The following ABCA2 variants were observed in gnomAD, a reference collection of about 807,000 sequenced individuals.
The protein encoded by ABCA2 is ATP-binding cassette sub-family A member 2.
Under a neutral mutation model 262.8 loss-of-function variants are expected in ABCA2, and 84 were observed. The observed-to-expected ratio is 0.32, with a 90% CI of 0.27 to 0.38. The LOEUF (loss-of-function observed/expected upper bound fraction) is 0.38, where lower values mean the gene tolerates loss of function less well. ABCA2 is among the 10% of genes least tolerant of loss of function. ABCA2 has a pLI of 1.00. For synonymous variants in ABCA2, 1,696 were observed against 1,502.9 expected, an observed-to-expected ratio of 1.13 and a Z score of -2.97; for missense variants, 2,662 against 3,405.9, an observed-to-expected ratio of 0.78 and a Z score of 5.44.
intron 48 of ABCA2, 83 bp downstream of exon 48, chr9:137,008,333 C>T: frequency 1.3e-6 from 2 of 1,481,890 alleles, no homozygotes; most frequent in Non-Finnish European, 1.8e-6. Flanking sequence ...AGTTCTCCCC[C>T]GACCCCACCC....
At position 137,017,219 on chromosome 9, in the gene ABCA2, T is replaced by C. The variant is rs199598064; in HGVS notation, c.2530A>G (p.Thr844Ala). 1.9e-6 allele frequency: 3 copies of C among 1,612,486 alleles called. No homozygotes were observed. In the East Asian group the frequency reaches 6.7e-5, roughly 36 times the overall value. Reference protein sequence around the residue: ...IREEVAHDKITAFEKCIASLM... With the variant: ...IREEVAHDKIAAFEKCIASLM... ...ACCGCGATGCACTTCTCGAAGGCCG[T>C]GATCTTATCATGCGCCACCTCCTCT... Residue 844 changes from threonine (T) to alanine (A), a missense_variant, in exon 18 of 49, where the codon ACG (threonine) becomes GCG (alanine). By Grantham distance (58) the Thr-to-Ala change is moderately conservative. Coordinates refer to ENST00000341511, the MANE Select transcript of ABCA2 (RefSeq NM_001606.5).
chr9:137,017,558 G>A lies in ABCA2; in HGVS notation c.2346C>T (p.His782=), dbSNP rs572400385. ...CCAGGAAGAGCCAGATGATGACCAC[G>A]TGGCTGTGCATAAGCACCTGGCCGT... The part of the protein sequence containing the change: ...LKYGQVLMHS[H]VVIIWLFLAV... The change falls in exon 17 of 49, where the codon CAC becomes CAT. Residue 782 remains histidine, a synonymous_variant. Coordinates refer to ENST00000341511, the MANE Select transcript of ABCA2 (RefSeq NM_001606.5). The A allele has an allele frequency of 5.0e-5, 80 of 1,612,420 alleles. No homozygotes were observed. Among genetic ancestry groups the A allele is most frequent in the East Asian group, 8.9e-5 (4 of 44,878 alleles).
rs574405405 is a variant in ABCA2 at position 137,022,462 on chromosome 9, C to G, written c.456G>C (p.Leu152=). Residue 152 remains leucine, a synonymous_variant, in exon 6 of 49, where the codon CTG becomes CTC. Coordinates refer to ENST00000341511, the MANE Select transcript of ABCA2 (RefSeq NM_001606.5). ...LDRSTVSSFS[L]DSVARNPQEL... ...CCTGCGGGTTTCTGGCCACCGAGTC[C>G]AGAGAGAAGGAAGACACTGGACAGG... 2 of 1,611,818 alleles carry G rather than the reference C, an allele frequency of 1.2e-6. No individual in the cohort carries two copies. Among genetic ancestry groups the G allele is most frequent in the African/African-American group, 1.3e-5 (1 of 74,992 alleles).
chr9:137,020,596 G>C, intron 9 of ABCA2, 98 bp downstream of exon 9: 1 of 1,551,548 alleles, frequency 6.4e-7, no homozygotes, highest in Non-Finnish European at 8.7e-7. Flanking sequence ...CACAGGGCAG[G>C]GCGCCAAATG....
chr9:137,014,232 G>T lies in ABCA2; in HGVS notation c.4176C>A (p.Asp1392Glu), dbSNP rs1364876111. 6.2e-7 allele frequency: 1 copy of T among 1,610,262 alleles called. No individual in the cohort carries two copies. The highest frequency in any genetic ancestry group is 8.5e-7 in the Non-Finnish European group (1 of 1,178,900). The change falls in exon 27 of 49, where the codon GAC (aspartate) becomes GAA (glutamate). Residue 1392 changes from aspartate to glutamate, a missense_variant. Transcript: ENST00000341511. ...AGAGGGGGCGGTAGTCGCCATAGAC[G>T]TCGGTGTAGCCAGCTCCCTCGTCGC... ...ARGDEGAGYT[D>E]VYGDYRPLFD...
rs537708323 is a variant in ABCA2, at chr9:137,011,798, G to T, written c.5535+46C>A. On this transcript the variant is annotated intron_variant, in intron 35 of 48. Transcript: ENST00000341511. The surrounding 1 kb of genome is among the most constrained non-coding windows in gnomAD (Gnocchi z 8.8). ...GAGAGACCCGGGGCAGGGCGGGGAT[G>T]GGGGATGAGAAGGGCCGGGGCACCC... 6.4e-7 allele frequency: 1 copy of T among 1,552,748 alleles called. No individual in the cohort carries two copies. Among genetic ancestry groups the T allele is most frequent in the Non-Finnish European group, 8.7e-7 (1 of 1,148,618 alleles).
chr9:137,018,935 C>T lies in ABCA2; in HGVS notation c.1690G>A (p.Ala564Thr), dbSNP rs1335005105. 11 of 1,612,696 alleles carry T rather than the reference C, an allele frequency of 6.8e-6. No individual in the cohort carries two copies. The highest frequency in any genetic ancestry group is 1.1e-5 in the South Asian group (1 of 91,084). ...LLQQLDTIDN[A>T]ACGWIQFMSK... is the part of the protein sequence containing the mutation. Reference sequence around the variant, plus strand: ...ATGAACTGGATCCAGCCGCAGGCCGCGTTGTCAATGGTATCCAGCTGCTGC... The same window carrying T: ...ATGAACTGGATCCAGCCGCAGGCCGTGTTGTCAATGGTATCCAGCTGCTGC... The change falls in exon 12 of 49, where the codon GCG becomes ACG. Residue 564 changes from alanine to threonine, a missense_variant. Ala to Thr is a moderately conservative substitution (Grantham distance 58). This residue lies in a region of ABCA2 where 187 missense variants were observed against 205.9 expected (regional missense o/e 0.91). Transcript: ENST00000341511.
At position 137,011,464 on chromosome 9, in the gene ABCA2, G is replaced by A; in HGVS notation, c.5742C>T (p.Phe1914=). 3 of 1,610,776 alleles carry A rather than the reference G, an allele frequency of 1.9e-6. No homozygotes were observed. Among genetic ancestry groups the A allele is most frequent in the Non-Finnish European group, 2.5e-6 (3 of 1,179,032 alleles). ...TGGCCACGGTGGCGGTGATGCCGATGAAGAGATTGATGACAATGAGGAACA... is the reference window on the plus strand; with the variant it reads ...TGGCCACGGTGGCGGTGATGCCGATAAAGAGATTGATGACAATGAGGAACA... ...AYVFLIVINL[F]IGITATVATF... Residue 1914 remains phenylalanine, a synonymous_variant, in exon 37 of 49, where the codon TTC becomes TTT. Transcript: ENST00000341511. The surrounding 1 kb of genome is among the most constrained non-coding windows in gnomAD (Gnocchi z 8.8).
At position 137,010,694 on chromosome 9, in the gene ABCA2, C is replaced by T. The variant is rs1246895436; in HGVS notation, c.6100G>A (p.Val2034Met). Residue 2034 changes from valine to methionine, a missense_variant, in exon 40 of 49, where the codon GTG becomes ATG. Physicochemically the swap from Val to Met is conservative, Grantham distance 21. Around this residue, in one of 12 missense-constraint regions of ABCA2, gnomAD observed 602 missense variants for 897.4 expected, o/e 0.67. Coordinates refer to ENST00000341511, the MANE Select transcript of ABCA2 (RefSeq NM_001606.5). ...STKPVEDDVDVASERQRVLRG... is the reference protein window; with the variant it reads ...STKPVEDDVDMASERQRVLRG... ...AGCACTCGCTGCCGCTCACTGGCCA[C>T]GTCCACATCATCCTCCACAGGCTTG... 6.2e-7 allele frequency: 1 copy of T among 1,612,498 alleles called. No individual in the cohort carries two copies. The highest frequency in any genetic ancestry group is 1.7e-5 in the Admixed American group (1 of 60,016).
At position 137,012,761 on chromosome 9, in the gene ABCA2, T is replaced by C. The variant is rs1278187544; in HGVS notation, c.5032A>G (p.Asn1678Asp). 2 of 1,612,614 alleles carry C rather than the reference T, an allele frequency of 1.2e-6. No homozygotes were observed. The highest frequency in any genetic ancestry group is 1.7e-6 in the Non-Finnish European group (2 of 1,179,898). ...GTGAAGAGCAGGTACTCAGAGACAT[T>C]GTGGCCGGTGATGTCGGTCAGGATG... is the stretch of plus-strand genomic sequence containing the variant. Reference protein sequence around the residue: ...GDILTDITGHNVSEYLLFTSD... With the variant: ...GDILTDITGHDVSEYLLFTSD... The change falls in exon 31 of 49, where the codon AAT becomes GAT. Residue 1678 changes from asparagine to aspartate, a missense_variant. Asn to Asp is a conservative substitution (Grantham distance 23, BLOSUM62 1). Transcript: ENST00000341511.
rs373765521 is a variant in ABCA2, at chr9:137,016,428, C to A, written c.2967G>T (p.Leu989=). 1.2e-5 allele frequency: 19 copies of A among 1,612,832 alleles called. No homozygotes were observed. Among genetic ancestry groups the A allele is most frequent in the Non-Finnish European group, 1.4e-5 (17 of 1,179,966 alleles). The part of the protein sequence containing the change: ...GMEEEPTHLP[L]VVCVDKLTKV... Reference sequence around the variant, plus strand: ...TGGTGAGTTTGTCCACGCAGACAACCAGAGGCAGGTGGGTGGGCTCCTCCT... The same window carrying A: ...TGGTGAGTTTGTCCACGCAGACAACAAGAGGCAGGTGGGTGGGCTCCTCCT... The change falls in exon 21 of 49, where the codon CTG becomes CTT. Residue 989 remains leucine, a synonymous_variant. Coordinates refer to ENST00000341511, the MANE Select transcript of ABCA2 (RefSeq NM_001606.5).
intron 45 of ABCA2, 27 bp from the exon 46 acceptor site, chr9:137,009,080 G>T: frequency 1.3e-6 from 2 of 1,590,748 alleles, no homozygotes; most frequent in Non-Finnish European, 1.7e-6. Flanking sequence ...GTGGCCCGGA[G>T]CCCTGCGCCG....
rs375266725 is a variant in ABCA2 at position 137,018,147 on chromosome 9, C to T, written c.1993+31G>A. On this transcript the variant is annotated intron_variant, in intron 14 of 48. Transcript: ENST00000341511. Reference sequence around the variant, plus strand: ...TCACACCTGTCCTCCCCCATGAATCCTCCAGCCGGTCTTCCGGGCCTGCTC... The same window carrying T: ...TCACACCTGTCCTCCCCCATGAATCTTCCAGCCGGTCTTCCGGGCCTGCTC... 2.2e-5 allele frequency: 36 copies of T among 1,610,434 alleles called. No individual in the cohort carries two copies. In the East Asian group the frequency reaches 3.8e-4, roughly 17 times the overall value.
Position 137,014,585 on chromosome 9 carries a change from C to G in ABCA2, c.4003+105G>C, listed in dbSNP as rs1831186387. On this transcript the variant is annotated intron_variant, in intron 26 of 48. Coordinates refer to ENST00000341511, the MANE Select transcript of ABCA2 (RefSeq NM_001606.5). The stretch of plus-strand genomic sequence containing the variant: ...CCCGGGGCGTCCCCTGGCTTCCACC[C>G]AGGACCAGGGTGGCGCCCCCAGACA... 6.0e-6 allele frequency: 9 copies of G among 1,505,456 alleles called. No homozygotes were observed. The East Asian group carries it at 2.0e-4, about 33-fold the overall frequency. The allele number at this position is 1,505,456 out of a possible 1,614,324, so 93.3% of individuals were successfully genotyped here.
At position 137,018,703 on chromosome 9, in the gene ABCA2, G is replaced by A. The variant is rs567503974; in HGVS notation, c.1819+16C>T. 158 of 1,600,144 alleles carry A rather than the reference G, an allele frequency of 9.9e-5. No individual in the cohort carries two copies. The East Asian group carries it at 1.0e-3, about 10-fold the overall frequency. ...GGTCTGTGGGGGGCTGGGGCGGGGC[G>A]GGGAGGGCAGCTCACTGGCAAAAAC... On this transcript the variant is annotated intron_variant, in intron 13 of 48. Transcript: ENST00000341511.
chr9:137,028,244 G>T (rs547575887), upstream of ABCA2: 2 of 977,836 alleles, frequency 2.0e-6, no homozygotes, highest in Non-Finnish European at 2.4e-6. This position sits in a 1 kb window ranked among gnomAD's most constrained non-coding sequence, Gnocchi z 6.9. Context: ...GCGCGGGGGC[G>T]GGGCGCTCGG....
At chr9:137,020,541 G>A (rs1831414473) in intron 9 of ABCA2, 46 bp from the exon 10 acceptor site, 1 of 1,550,904 alleles carries the variant, frequency 6.4e-7, no homozygotes, top group Non-Finnish European at 8.7e-7. Flanking sequence ...AGGGGGCAGG[G>A]CCGCGAGAGT....
chr9:137,017,168 C>G, intron 18 of ABCA2, 28 bp downstream of exon 18: 25 of 1,611,718 alleles, frequency 1.6e-5, no homozygotes, highest in Non-Finnish European at 2.1e-5. Flanking sequence ...CCCGGCACCC[C>G]AGCCGCCCGC....
chr9:137,020,281 C>A, intron 10 of ABCA2, 55 bp downstream of exon 10: 1 of 1,604,936 alleles, frequency 6.2e-7, no homozygotes. Flanking sequence ...CCCAGGCCTG[C>A]AGAGACCCCC....
Sources: allele counts gnomAD v4.1 joint callset, GRCh38; gene constraint gnomAD v4.1.1; regional missense constraint gnomAD v4.1.1; non-coding constraint Gnocchi (gnomAD v3.1); transcripts MANE v1.5; gene names NCBI Gene and HGNC (gene_info 2026-07-23, HGNC 2026-07-21).